Variants in NFKB1 observed in about 807,000 individuals in gnomAD.
NFKB1 encodes nuclear factor NF-kappa-B p105 subunit.
In NFKB1, 9 loss-of-function variants were observed where a neutral mutation model predicts 105.1. The ratio of observed to expected loss-of-function variants is 0.09; its 90% CI spans 0.05 to 0.15. NFKB1 has a LOEUF of 0.15. NFKB1 is among the 10% of genes least tolerant of loss of function. The pLI is 1.00. For synonymous variants in NFKB1, 440 were observed against 442.2 expected (o/e 1.00, Z 0.06); for missense variants, 830 against 1,203.7 (o/e 0.69, Z 4.59).
At chr4:102,542,848 T>C (rs1742097429) in intron 5 of NFKB1, among the ~76,000 whole-genome samples, 1 of 152,204 alleles carries the variant, frequency 6.6e-6, no homozygotes, top group Non-Finnish European at 1.5e-5. Flanking sequence ...TTTGTCACAA[T>C]GTAGTTTGTA....
chr4:102,537,368 C>T (rs1005472558), intron 4 of NFKB1, among the ~76,000 whole-genome samples: 1 of 152,126 alleles, frequency 6.6e-6, no homozygotes, highest in Non-Finnish European at 1.5e-5. Context: ...TGTTCTACAA[C>T]GCTGAAACAG....
intron 5 of NFKB1, among the ~76,000 whole-genome samples, chr4:102,544,354 G>T (rs1233654486): frequency 6.6e-6 from 1 of 152,016 alleles, no homozygotes; most frequent in African/African-American, 2.4e-5. Context: ...AGCCCAGAAA[G>T]CCTCCCTTCA....
At chr4:102,509,868 C>T (rs1167247065) in intron 1 of NFKB1, among the ~76,000 whole-genome samples, 1 of 152,132 alleles carries the variant, frequency 6.6e-6, no homozygotes, top group Non-Finnish European at 1.5e-5. Context: ...TCGTTCATTT[C>T]GCATAATGGT....
chr4:102,514,567 C>T (rs1391530249), intron 1 of NFKB1, among the ~76,000 whole-genome samples: 1 of 152,158 alleles, frequency 6.6e-6, no homozygotes, highest in African/African-American at 2.4e-5. Flanking sequence ...GAGAAATAAA[C>T]CTGGGCTCTT....
chr4:102,607,282 A>C lies in NFKB1; in HGVS notation c.2087A>C (p.His696Pro). The change falls in exon 18 of 24, where the codon CAC becomes CCC. Residue 696 changes from histidine to proline, a missense_variant. His to Pro is a moderately conservative substitution (Grantham distance 77). Coordinates refer to ENST00000226574, the MANE Select transcript of NFKB1 (RefSeq NM_003998.4). ...ACAGCACTGCACCTGGCTGTGGAGC[A>C]CGACAACATCTCATTGGCAGGCTGC... ...GRTALHLAVE[H>P]DNISLAGCLL... 1 of 1,614,116 alleles carries C rather than the reference A, an allele frequency of 6.2e-7. No homozygotes were observed. The highest frequency in any genetic ancestry group is 8.5e-7 in the Non-Finnish European group (1 of 1,179,926).
chr4:102,587,782 A>G (rs1725837328), intron 11 of NFKB1, among the ~76,000 whole-genome samples: 1 of 152,286 alleles, frequency 6.6e-6, no homozygotes, highest in South Asian at 2.1e-4. Flanking sequence ...ACTTGATTCT[A>G]TAGAAACCTT....
chr4:102,584,579 G>A (rs1725567851), intron 10 of NFKB1, 103 bp from the exon 11 acceptor site: 19 of 1,158,736 alleles, frequency 1.6e-5, no homozygotes, highest in Admixed American at 5.4e-5. Flanking sequence ...TCTAAACATT[G>A]GGTATAAAGA....
intron 11 of NFKB1, among the ~76,000 whole-genome samples, chr4:102,589,660 C>T (rs117034359): frequency 1.3e-5 from 2 of 152,014 alleles, no homozygotes; most frequent in East Asian, 1.9e-4. Context: ...TAGAAATAAT[C>T]GAAGTTCTTT....
chr4:102,519,733 C>T (rs1740442655), intron 1 of NFKB1, among the ~76,000 whole-genome samples: 1 of 152,110 alleles, frequency 6.6e-6, no homozygotes, highest in South Asian at 2.1e-4. Flanking sequence ...GCCTCCTAAA[C>T]AACTGAAAGA....
intron 4 of NFKB1, among the ~76,000 whole-genome samples, chr4:102,534,358 A>G (rs1741497024): frequency 6.6e-6 from 1 of 152,164 alleles, no homozygotes; most frequent in South Asian, 2.1e-4. Flanking sequence ...CATGTAACCT[A>G]ACATACTGAA....
chr4:102,545,248 T>C (rs549858463), intron 5 of NFKB1, among the ~76,000 whole-genome samples: 354 of 152,250 alleles, frequency 2.3e-3, no homozygotes, highest in Non-Finnish European at 3.3e-3. Flanking sequence ...ACCCTCCAGA[T>C]GGATTCCAAA....
chr4:102,595,361 T>G (rs1242772152), intron 13 of NFKB1, among the ~76,000 whole-genome samples: 1 of 152,208 alleles, frequency 6.6e-6, no homozygotes, highest in Non-Finnish European at 1.5e-5. Context: ...TCTTTTCCCA[T>G]CAAGTCATCC....
rs561168346 is a variant in NFKB1 at position 102,540,992 on chromosome 4, G to C, written c.258+3036G>C. On this transcript the variant is annotated intron_variant, in intron 5 of 23. Transcript: ENST00000226574. Reference sequence around the variant, plus strand: ...GTGGTACTTTACTAAGCACCTGCTCGGCGAGAGACTGTAAGGGAAACAGTG... The same window carrying C: ...GTGGTACTTTACTAAGCACCTGCTCCGCGAGAGACTGTAAGGGAAACAGTG... 2.1e-4 allele frequency among the ~76,000 whole-genome samples: 32 copies of C among 152,182 alleles called. No homozygotes were observed. In the South Asian group the frequency reaches 6.2e-3, roughly 30 times the overall value.
chr4:102,558,030 C>G (rs1009411056), intron 5 of NFKB1, among the ~76,000 whole-genome samples: 1 of 146,428 alleles, frequency 6.8e-6, no homozygotes, highest in African/African-American at 2.6e-5. Context: ...TGATATCTAG[C>G]CTTTTTTTTT....
At chr4:102,539,892 A>G (rs1741888495) in intron 5 of NFKB1, among the ~76,000 whole-genome samples, 1 of 152,166 alleles carries the variant, frequency 6.6e-6, no homozygotes, top group Non-Finnish European at 1.5e-5. Context: ...ACAATGGTGT[A>G]AAAAGGCATG....
intron 11 of NFKB1, among the ~76,000 whole-genome samples, chr4:102,586,219 G>T (rs1725701330): frequency 6.6e-6 from 1 of 152,190 alleles, no homozygotes; most frequent in South Asian, 2.1e-4. Context: ...CTGTGATACA[G>T]TGATACTGTC....
chr4:102,562,810 TG>T (rs1354964124), intron 5 of NFKB1, among the ~76,000 whole-genome samples: 3 of 152,214 alleles, frequency 2.0e-5, no homozygotes, highest in African/African-American at 7.2e-5. Context: ...GAGGACAAAG[TG>T]AGGTGCACAC....
chr4:102,539,307 T>C (rs1403765597), intron 5 of NFKB1, among the ~76,000 whole-genome samples: 1 of 152,052 alleles, frequency 6.6e-6, no homozygotes, highest in Admixed American at 6.6e-5. Flanking sequence ...GTTTCTTCCT[T>C]TTCCTCTTAT....
In NFKB1 at chr4:102,542,153, C is replaced by A. The variant is rs183282172; in HGVS notation, c.258+4197C>A. Among the ~76,000 whole-genome samples the A allele has an allele frequency of 1.0e-3, 159 of 152,282 alleles. 1 individual carries two copies. Among genetic ancestry groups the A allele is most frequent in the Non-Finnish European group, 1.8e-3 (125 of 68,020 alleles). On this transcript the variant is annotated intron_variant, in intron 5 of 23. Transcript: ENST00000226574. ...TTAAAACCAACTCTAGAAGTCTACTCAAATCCTGCATTTTCTACTGGAATA... is the reference window on the plus strand; with the variant it reads ...TTAAAACCAACTCTAGAAGTCTACTAAAATCCTGCATTTTCTACTGGAATA...
Sources: allele counts gnomAD v4.1 joint callset (sites outside exome capture counted in the v4.1 genomes callset), GRCh38; gene constraint gnomAD v4.1.1; transcripts MANE v1.5; gene names NCBI Gene and HGNC (gene_info 2026-07-23, HGNC 2026-07-21).